MSI2: variants seen among roughly 807,000 people sequenced by gnomAD.
The protein encoded by MSI2 is RNA-binding protein Musashi homolog 2.
MSI2 carries 17 observed loss-of-function variants against 45.6 expected under a neutral mutation model. The ratio of observed to expected loss-of-function variants is 0.37; its 90% confidence interval spans 0.26 to 0.56. MSI2 has a LOEUF of 0.56. MSI2 is among the 20% of genes least tolerant of loss of function. The pLI, the probability that MSI2 is intolerant of heterozygous loss-of-function variation, is 0.77. For missense variants in MSI2, 293 were observed against 444.2 expected (o/e 0.66, Z 3.06); for synonymous variants, 156 against 158.2 (o/e 0.99, Z 0.11).
chr17:57,481,017 G>A (rs2085637445), intron 6 of MSI2, among the ~76,000 whole-genome samples: 1 of 152,184 alleles, frequency 6.6e-6, no homozygotes, highest in South Asian at 2.1e-4. Context: ...GGATTTCAGT[G>A]ACTCATAGTA....
chr17:57,474,120 T>G (rs2085492631), intron 6 of MSI2, among the ~76,000 whole-genome samples: 1 of 152,126 alleles, frequency 6.6e-6, no homozygotes, highest in South Asian at 2.1e-4. Context: ...TTTGCTGATC[T>G]GCAGCACCCA....
At chr17:57,483,883 C>T (rs756499929) in intron 6 of MSI2, among the ~76,000 whole-genome samples, 11 of 152,226 alleles carry the variant, frequency 7.2e-5, no homozygotes, top group Middle Eastern at 3.2e-3. Context: ...GCCTTAGGGT[C>T]TCCCTCTAGC....
chr17:57,422,287 C>G (rs59928727), intron 6 of MSI2, among the ~76,000 whole-genome samples: 1 of 152,050 alleles, frequency 6.6e-6, no homozygotes, highest in African/African-American at 2.4e-5. Flanking sequence ...TGGTGAAACC[C>G]CATCTCTACT....
intron 8 of MSI2, among the ~76,000 whole-genome samples, chr17:57,605,805 C>A (rs535399326): frequency 9.2e-5 from 14 of 152,366 alleles, no homozygotes; most frequent in Non-Finnish European, 1.5e-4. Context: ...TCAAGCCATA[C>A]CTTTTATTTT....
At chr17:57,578,755 C>T (rs2088120345) in intron 7 of MSI2, among the ~76,000 whole-genome samples, 2 of 152,032 alleles carry the variant, frequency 1.3e-5, no homozygotes, top group Admixed American at 1.3e-4. Flanking sequence ...AAAACCAATT[C>T]CTCTTTTCAA....
chr17:57,534,650 G>C (rs2086886435), intron 7 of MSI2, among the ~76,000 whole-genome samples: 1 of 152,212 alleles, frequency 6.6e-6, no homozygotes. Flanking sequence ...AGGAGGCGGA[G>C]GTTGCAGTGA....
At chr17:57,672,415 A>G (rs574011559) in intron 11 of MSI2, among the ~76,000 whole-genome samples, 1 of 152,324 alleles carries the variant, frequency 6.6e-6, no homozygotes, top group South Asian at 2.1e-4. Context: ...TTTGTCTTCT[A>G]TCTAAGCCTG....
chr17:57,345,314 T>C (rs895323364), intron 5 of MSI2, among the ~76,000 whole-genome samples: 1 of 152,146 alleles, frequency 6.6e-6, no homozygotes, highest in Non-Finnish European at 1.5e-5. Context: ...GGGACATTCA[T>C]GTGTGTTTAA....
At chr17:57,579,328 C>G (rs760269208) in intron 7 of MSI2, among the ~76,000 whole-genome samples, 4 of 152,178 alleles carry the variant, frequency 2.6e-5, no homozygotes, top group Non-Finnish European at 4.4e-5. Context: ...GCTCTGCTGT[C>G]GCTCGGTTGC....
chr17:57,431,647 C>T (rs546760764), intron 6 of MSI2, among the ~76,000 whole-genome samples: 1 of 152,296 alleles, frequency 6.6e-6, no homozygotes, highest in South Asian at 2.1e-4. Context: ...AGCTGTTTGT[C>T]CAAGATCAGC....
chr17:57,354,127 T>G (rs1187344369), intron 5 of MSI2, among the ~76,000 whole-genome samples: 1 of 152,196 alleles, frequency 6.6e-6, no homozygotes, highest in African/African-American at 2.4e-5. Flanking sequence ...AAGTTACTGT[T>G]TTCTATTATC....
intron 6 of MSI2, among the ~76,000 whole-genome samples, chr17:57,453,374 A>G (rs2085054835): frequency 6.6e-6 from 1 of 152,166 alleles, no homozygotes; most frequent in African/African-American, 2.4e-5. Flanking sequence ...GCATCTTGTG[A>G]CAGTGACTGA....
At chr17:57,266,067 C>T (rs2143224870) in intron 5 of MSI2, 1 of 152,366 alleles carries the variant, frequency 6.6e-6, no homozygotes, top group African/African-American at 2.4e-5. Context: ...CATCTTTTCC[C>T]AATTGCCATT....
intron 5 of MSI2, among the ~76,000 whole-genome samples, chr17:57,385,308 C>T (rs2083666532): frequency 6.6e-6 from 1 of 152,312 alleles, no homozygotes; most frequent in South Asian, 2.1e-4. Flanking sequence ...ATGTCTCCAT[C>T]CTCATCTCCC....
At chr17:57,609,151 G>A (rs553200686) in intron 8 of MSI2, among the ~76,000 whole-genome samples, 14 of 152,272 alleles carry the variant, frequency 9.2e-5, no homozygotes, top group African/African-American at 2.9e-4. Context: ...CCTAATGTCC[G>A]GAGGTGAGGA....
intron 6 of MSI2, among the ~76,000 whole-genome samples, chr17:57,475,072 C>T (rs1031550181): frequency 2.0e-5 from 3 of 152,204 alleles, no homozygotes; most frequent in African/African-American, 7.2e-5. Flanking sequence ...ATCTGAGGTG[C>T]TTGATCCAGT....
At position 57,631,559 on chromosome 17, in the gene MSI2, A is replaced by T. The variant is rs1909373434; in HGVS notation, c.727+4256A>T. 5.8e-6 allele frequency: 3 copies of T among 521,658 alleles called. No individual in the cohort carries two copies. The South Asian group carries it at 8.4e-5, about 15-fold the overall frequency. 32.3% of individuals were successfully genotyped at this position (521,658 alleles called of 1,614,324 possible). On this transcript the variant is annotated intron_variant, in intron 10 of 13. Coordinates refer to ENST00000284073, the MANE Select transcript of MSI2 (RefSeq NM_138962.4). ...GAAGGCTAGACACTGGATAGTTTTT[A>T]GAGTGGGGAGTAGTTCTTTTCTAGA...
intron 5 of MSI2, among the ~76,000 whole-genome samples, chr17:57,349,850 A>G (rs911532100): frequency 6.6e-5 from 10 of 152,246 alleles, no homozygotes; most frequent in African/African-American, 2.2e-4. Flanking sequence ...AGCCAATTTC[A>G]GGAAGATATA....
chr17:57,293,737 T>A (rs1910680656), intron 5 of MSI2, among the ~76,000 whole-genome samples: 1 of 151,714 alleles, frequency 6.6e-6, no homozygotes, highest in Admixed American at 6.6e-5. Flanking sequence ...GCTTCCCGAG[T>A]AGCTGGGGTT....
Sources: allele counts gnomAD v4.1 joint callset (sites outside exome capture counted in the v4.1 genomes callset), GRCh38; gene constraint gnomAD v4.1.1; transcripts MANE v1.5; gene names NCBI Gene and HGNC (gene_info 2026-07-23, HGNC 2026-07-21).